The following MCU variants were observed in gnomAD, a reference collection of about 807,000 sequenced individuals.
The protein encoded by MCU is calcium uniporter protein, mitochondrial.
A neutral mutation model predicts 45.2 loss-of-function variants in MCU; 12 were observed. The ratio of observed to expected loss-of-function variants is 0.27; its 90% CI spans 0.17 to 0.43. The LOEUF is 0.43. MCU is among the 20% of genes least tolerant of loss of function. The pLI is 1.00. For missense variants in MCU, 324 were observed against 436.7 expected, an observed-to-expected ratio of 0.74 and a Z score of 2.30; for synonymous variants, 160 against 165.1, an observed-to-expected ratio of 0.97 and a Z score of 0.24.
At chr10:72,814,841 AAAT>A (rs1010397544) in intron 1 of MCU, among the ~76,000 whole-genome samples, 15 of 152,250 alleles carry the variant, frequency 9.9e-5, no homozygotes, top group African/African-American at 3.4e-4. Context: ...CTGTTACAAA[AAAT>A]AAGAATCTGT....
chr10:72,768,693 C>T (rs1843763112), intron 1 of MCU, among the ~76,000 whole-genome samples: 1 of 152,040 alleles, frequency 6.6e-6, no homozygotes. Context: ...TATTTATTAG[C>T]AGTAAGAAAA....
chr10:72,858,186 A>C lies in MCU; in HGVS notation c.221-991A>C, dbSNP rs117521410. The stretch of plus-strand genomic sequence containing the variant: ...CATGCTGAGCAGGGTGGCCAAATAT[A>C]CATACTCAGTACGCTATAGGAGAGG... On this transcript the variant is annotated intron_variant, in intron 2 of 7. Transcript: ENST00000373053. Among the ~76,000 whole-genome samples the C allele has an allele frequency of 3.3e-3, 503 of 152,312 alleles. 2 individuals are homozygous for C. The highest frequency in any genetic ancestry group is 5.8e-3 in the Non-Finnish European group (394 of 68,024).
intron 2 of MCU, among the ~76,000 whole-genome samples, chr10:72,845,535 T>C (rs1451694367): frequency 1.3e-5 from 2 of 152,206 alleles, no homozygotes; most frequent in African/African-American, 4.8e-5. Context: ...TTCAGAAATG[T>C]TTAGATATAC....
chr10:72,885,817 G>T lies in MCU; in HGVS notation c.1051G>T (p.Asp351Tyr). The T allele has an allele frequency of 6.2e-7, 1 of 1,613,240 alleles. No homozygotes were observed. Among genetic ancestry groups the T allele is most frequent in the Non-Finnish European group, 8.5e-7 (1 of 1,179,268 alleles). ...GCCTCTCCGACAAATTGGTGAAAAA[G>T]ATTGATCTGCAAAAAGCCTCTGAAT... ...HLPLRQIGEK[D>Y] The change falls in exon 8 of 8, where the codon GAT (aspartate) becomes TAT (tyrosine). Residue 351 changes from aspartate to tyrosine, a missense_variant. By Grantham distance (160) the Asp-to-Tyr change is radical. Transcript: ENST00000373053.
At chr10:72,713,531 C>T (rs755274785) in intron 1 of MCU, among the ~76,000 whole-genome samples, 12 of 152,120 alleles carry the variant, frequency 7.9e-5, no homozygotes, top group African/African-American at 1.4e-4. Flanking sequence ...CTGCCCGCCT[C>T]GCTAGTGCTG....
intron 1 of MCU, among the ~76,000 whole-genome samples, chr10:72,720,250 T>C (rs1192519622): frequency 6.6e-6 from 1 of 152,202 alleles, no homozygotes; most frequent in Non-Finnish European, 1.5e-5. Context: ...TTTCATTTAT[T>C]CTGTGCACCA....
chr10:72,816,097 C>T (rs978621970), intron 1 of MCU, among the ~76,000 whole-genome samples: 4 of 151,936 alleles, frequency 2.6e-5, no homozygotes, highest in African/African-American at 7.3e-5. Context: ...CTTGAAATAG[C>T]GGGGCGGAGG....
At chr10:72,770,178 T>A (rs1362027353) in intron 1 of MCU, among the ~76,000 whole-genome samples, 1 of 152,196 alleles carries the variant, frequency 6.6e-6, no homozygotes, top group African/African-American at 2.4e-5. Context: ...ATTATTTCAA[T>A]CCTTTTAAAT....
intron 1 of MCU, among the ~76,000 whole-genome samples, chr10:72,815,595 A>G (rs539677114): frequency 2.6e-5 from 4 of 152,340 alleles, no homozygotes; most frequent in East Asian, 1.9e-4. Context: ...AATGTTGACC[A>G]TGTCTTGAAG....
chr10:72,829,623 A>G (rs916416795), intron 1 of MCU, among the ~76,000 whole-genome samples: 15 of 151,688 alleles, frequency 9.9e-5, no homozygotes, highest in Non-Finnish European at 2.2e-4. Flanking sequence ...TAAAAAAAAA[A>G]AAACCTAAAC....
intron 1 of MCU, among the ~76,000 whole-genome samples, chr10:72,742,497 T>G (rs1191609961): frequency 6.6e-6 from 1 of 152,216 alleles, no homozygotes; most frequent in Non-Finnish European, 1.5e-5. Flanking sequence ...TTTTTAGACT[T>G]AAGTAAATAA....
intron 5 of MCU, among the ~76,000 whole-genome samples, chr10:72,870,481 A>C (rs1406221936): frequency 6.6e-6 from 1 of 151,680 alleles, no homozygotes; most frequent in East Asian, 1.9e-4. Context: ...ACGGGATTTC[A>C]CCATGTTAGC....
intron 1 of MCU, among the ~76,000 whole-genome samples, chr10:72,711,990 G>C (rs1191500670): frequency 1.3e-5 from 2 of 150,612 alleles, no homozygotes; most frequent in Non-Finnish European, 3.0e-5. Context: ...GGGATTACAG[G>C]CATGAGCCAC....
intron 1 of MCU, among the ~76,000 whole-genome samples, chr10:72,801,468 G>A (rs2132781981): frequency 6.7e-6 from 1 of 149,736 alleles, no homozygotes; most frequent in Non-Finnish European, 1.5e-5. Context: ...GCTAACATTA[G>A]AACTTTACCC....
At chr10:72,829,197 C>T (rs1182356727) in intron 1 of MCU, among the ~76,000 whole-genome samples, 2 of 151,966 alleles carry the variant, frequency 1.3e-5, no homozygotes, top group African/African-American at 4.8e-5. Context: ...TTGGTGCTCG[C>T]CTGTAGTCCC....
In MCU at chr10:72,721,271, A is replaced by G. The variant is rs137856079; in HGVS notation, c.150+28970A>G. On this transcript the variant is annotated intron_variant, in intron 1 of 7. Coordinates refer to ENST00000373053, the MANE Select transcript of MCU (RefSeq NM_138357.3). ...ACTCAGTAAAAGACAAAGTTCTTCAAGGGGCCTACAGGTAGTGACAATAAA... is the reference window on the plus strand; with the variant it reads ...ACTCAGTAAAAGACAAAGTTCTTCAGGGGGCCTACAGGTAGTGACAATAAA... 5.1e-3 allele frequency among the ~76,000 whole-genome samples: 770 copies of G among 152,270 alleles called. 27 individuals carry two copies. Among genetic ancestry groups the G allele is most frequent in the Non-Finnish European group, 1.1e-3 (75 of 68,014 alleles).
Position 72,714,328 on chromosome 10 carries a change from G to A in MCU, c.150+22027G>A, listed in dbSNP as rs1364305212. On this transcript the variant is annotated intron_variant, in intron 1 of 7. Transcript: ENST00000373053. ...AATTTGTTTATGAGCTGTTACTTCA[G>A]TTCCCCCCGCCCTGGTCTTTTTTTT... 5.8e-5 allele frequency among the ~76,000 whole-genome samples: 5 copies of A among 86,580 alleles called. No individual in the cohort carries two copies. The East Asian group carries it at 1.0e-3, about 18-fold the overall frequency. 56.8% of individuals were successfully genotyped at this position (86,580 alleles called of 152,430 possible). A position where few individuals can be genotyped will look rare whatever the true frequency, so the allele number is the denominator to read the frequency against.
chr10:72,833,001 TAAAC>T lies in MCU; in HGVS notation c.151-1355_151-1352del, dbSNP rs925288180. The stretch of plus-strand genomic sequence containing the variant: ...TCTGAAGTTCATGTGGAGAAACAAA[TAAAC>T]AAGAATAGCTGGGAGTTGTCTTAAA... On this transcript the variant is annotated intron_variant, in intron 1 of 7. Coordinates refer to ENST00000373053, the MANE Select transcript of MCU (RefSeq NM_138357.3). 5.4e-5 allele frequency among the ~76,000 whole-genome samples: 7 copies of T among 130,790 alleles called. No homozygotes were observed. The Admixed American group carries it at 5.5e-4, about 10-fold the overall frequency. 85.8% of individuals were successfully genotyped at this position (130,790 alleles called of 152,430 possible).
At chr10:72,751,183 G>T (rs1316949115) in intron 1 of MCU, among the ~76,000 whole-genome samples, 2 of 150,282 alleles carry the variant, frequency 1.3e-5, no homozygotes, top group African/African-American at 2.4e-5. Flanking sequence ...TTATATTTTT[G>T]GTAGAGATGG....
Sources: gnomAD v4.1 joint callset for allele counts (sites outside exome capture counted in the v4.1 genomes callset) on GRCh38, gnomAD v4.1.1 for gene constraint, MANE v1.5 for transcripts, NCBI Gene and HGNC (gene_info 2026-07-23, HGNC 2026-07-21) for gene names.